BSDC1: variants seen among roughly 807,000 people sequenced by gnomAD.
BSDC1 encodes the protein BSD domain-containing protein 1.
In BSDC1, 29 loss-of-function variants were observed where a neutral mutation model predicts 56.0. That is an observed-to-expected ratio of 0.52 (90% CI 0.39 to 0.71). The LOEUF (loss-of-function observed/expected upper bound fraction) is 0.71, where lower values mean the gene tolerates loss of function less well. Ranked by LOEUF, BSDC1 falls within the 30% of genes least tolerant of loss-of-function variation. The pLI, the probability that BSDC1 is intolerant of heterozygous loss-of-function variation, is 0.00. For missense variants in BSDC1, 477 were observed against 548.5 expected, an observed-to-expected ratio of 0.87 and a Z score of 1.30; for synonymous variants, 210 against 215.3, an observed-to-expected ratio of 0.98 and a Z score of 0.21.
rs770756929 is a variant in BSDC1, at chr1:32,368,408, A to G, written c.1260+39T>C. 8 of 1,614,124 alleles carry G rather than the reference A, an allele frequency of 5.0e-6. No homozygotes were observed. In the Admixed American group the frequency reaches 1.3e-4, roughly 27 times the overall value. The stretch of plus-strand genomic sequence containing the variant: ...GGGGAGAGCTCTCACACCCAGGACC[A>G]TTAGGCTCGCTTCCCTCTGACCCAC... On this transcript the variant is annotated intron_variant, in intron 10 of 10. Coordinates refer to ENST00000455895, the MANE Select transcript of BSDC1 (RefSeq NM_018045.8).
At chr1:32,381,835 A>C (rs1297602066) in intron 4 of BSDC1, among the ~76,000 whole-genome samples, 1 of 152,212 alleles carries the variant, frequency 6.6e-6, no homozygotes, top group Non-Finnish European at 1.5e-5. Context: ...TCAAAATCTT[A>C]TCAAACATTT....
intron 10 of BSDC1, 22 bp downstream of exon 10, chr1:32,368,419 TTCCCTC>T (rs1641933454): frequency 6.2e-7 from 1 of 1,614,046 alleles, no homozygotes; most frequent in African/African-American, 1.3e-5. Context: ...TTAGGCTCGC[TTCCCTC>T]TGACCCACCA....
At chr1:32,379,117 C>G (rs1305646435) in intron 5 of BSDC1, among the ~76,000 whole-genome samples, 5 of 152,154 alleles carry the variant, frequency 3.3e-5, no homozygotes, top group African/African-American at 9.7e-5. Context: ...CAGCTGTTCT[C>G]AGGTCTCATG....
intron 9 of BSDC1, among the ~76,000 whole-genome samples, chr1:32,371,429 G>A (rs895770956): frequency 4.0e-5 from 6 of 150,332 alleles, no homozygotes; most frequent in African/African-American, 1.5e-4. Context: ...TCCTGCCTCA[G>A]CCTCCTGAGT....
intron 3 of BSDC1, among the ~76,000 whole-genome samples, chr1:32,384,331 G>T (rs1642594106): frequency 6.6e-6 from 1 of 152,190 alleles, no homozygotes; most frequent in East Asian, 1.9e-4. Flanking sequence ...AGAGCCTATG[G>T]GTAGAGTGGT....
chr1:32,374,324 G>A (rs759908116), intron 9 of BSDC1, among the ~76,000 whole-genome samples: 4 of 152,136 alleles, frequency 2.6e-5, no homozygotes, highest in Admixed American at 6.5e-5. Flanking sequence ...CAATTATCCC[G>A]TTTATGGAGG....
chr1:32,387,743 C>T (rs913328820), intron 2 of BSDC1, among the ~76,000 whole-genome samples: 8 of 152,062 alleles, frequency 5.3e-5, no homozygotes, highest in Non-Finnish European at 8.8e-5. Flanking sequence ...TATTTGCCTT[C>T]GGGTTTAAGA....
chr1:32,376,287 A>G lies in BSDC1; in HGVS notation c.1131T>C (p.Ser377=). 2 of 1,559,550 alleles carry G rather than the reference A, an allele frequency of 1.3e-6. No individual in the cohort carries two copies. The highest frequency in any genetic ancestry group is 2.3e-5 in the East Asian group (1 of 44,120). Reference sequence around the variant, plus strand: ...CTTTCTTTCCATTGTTGGAGGGTGTAGACTTCCCACTATCCGAGTTCAGCT... The same window carrying G: ...CTTTCTTTCCATTGTTGGAGGGTGTGGACTTCCCACTATCCGAGTTCAGCT... ...VFELNSDSGK[S]TPSNNGKKGS... The change falls in exon 9 of 11, where the codon TCT becomes TCC. Residue 377 remains serine (S), a synonymous_variant. Coordinates refer to ENST00000455895, the MANE Select transcript of BSDC1 (RefSeq NM_018045.8).
rs746773505 is a variant in BSDC1 at position 32,377,952 on chromosome 1, C to G, written c.676+18G>C. On this transcript the variant is annotated intron_variant, in intron 8 of 10. Transcript: ENST00000455895. ...GCACAGATGTGACACTTGCCCCTCA[C>G]CTCTCAACGCCTCTTACCTTCCTCC... 2 of 1,605,030 alleles carry G rather than the reference C, an allele frequency of 1.2e-6. No homozygotes were observed. The highest frequency in any genetic ancestry group is 2.2e-5 in the South Asian group (2 of 89,036).
In BSDC1 at chr1:32,377,927, G is replaced by A. The variant is rs572772703; in HGVS notation, c.676+43C>T. Reference sequence around the variant, plus strand: ...AGCATGGCCCAGCCCAGAGCGTCCCGCACAGATGTGACACTTGCCCCTCAC... The same window carrying A: ...AGCATGGCCCAGCCCAGAGCGTCCCACACAGATGTGACACTTGCCCCTCAC... On this transcript the variant is annotated intron_variant, in intron 8 of 10. Transcript: ENST00000455895. The A allele has an allele frequency of 3.2e-4, 498 of 1,572,964 alleles. 5 individuals are homozygous for A. The highest frequency in any genetic ancestry group is 1.8e-4 in the South Asian group (15 of 84,474).
rs1430341501 is a variant in BSDC1 at position 32,368,483 on chromosome 1, C to T, written c.1224G>A (p.Val408=). 3.1e-6 allele frequency: 5 copies of T among 1,614,048 alleles called. No individual in the cohort carries two copies. The Admixed American group carries it at 8.3e-5, about 27-fold the overall frequency. The change falls in exon 10 of 11, where the codon GTG becomes GTA. Residue 408 remains valine (V), a synonymous_variant. Coordinates refer to ENST00000455895, the MANE Select transcript of BSDC1 (RefSeq NM_018045.8). Reference sequence around the variant, plus strand: ...CATCCACTTTGGAAAGTGCCATCTGCACCTCCTCTTCAGTCATGTCCAAGT... The same window carrying T: ...CATCCACTTTGGAAAGTGCCATCTGTACCTCCTCTTCAGTCATGTCCAAGT... ...DFDLDMTEEE[V]QMALSKVDAS... is the part of the protein sequence containing the mutation.
intron 2 of BSDC1, among the ~76,000 whole-genome samples, chr1:32,393,078 A>T (rs1316385593): frequency 1.3e-5 from 2 of 152,116 alleles, no homozygotes; most frequent in Admixed American, 1.3e-4. Flanking sequence ...CAAAACAAAA[A>T]TACTCCCAGA....
intron 2 of BSDC1, among the ~76,000 whole-genome samples, chr1:32,389,946 C>T (rs1457912291): frequency 3.4e-5 from 5 of 145,152 alleles, no homozygotes; most frequent in Admixed American, 7.0e-5. Context: ...GCACTCCAGT[C>T]TGGGTAACAG....
chr1:32,366,908 G>GACACCAC, intron 10 of BSDC1: 1 of 1,227,922 alleles, frequency 8.1e-7, no homozygotes, highest in East Asian at 3.4e-5. Flanking sequence ...ACCAACACCA[G>GACACCAC]ACACCACAAG....
At chr1:32,373,832 C>T (rs1642183483) in intron 9 of BSDC1, among the ~76,000 whole-genome samples, 1 of 152,162 alleles carries the variant, frequency 6.6e-6, no homozygotes, top group African/African-American at 2.4e-5. Flanking sequence ...GGACTTTCTT[C>T]TTTTCATCAA....
chr1:32,386,860 C>G lies in BSDC1; in HGVS notation c.108G>C (p.Leu36=). The G allele has an allele frequency of 1.2e-6, 2 of 1,612,316 alleles. No individual in the cohort carries two copies. Among genetic ancestry groups the G allele is most frequent in the South Asian group, 2.2e-5 (2 of 90,996 alleles). ...SEALEFMKRD[L]TEFTQVVQHD... is the part of the protein sequence containing the mutation. ...GCTGCACCACCTGGGTAAACTCCGT[C>G]AGGTCCCGCTTCATAAACTCCAAGG... The change falls in exon 3 of 11, where the codon CTG becomes CTC. Residue 36 remains leucine (L), a synonymous_variant. Coordinates refer to ENST00000455895, the MANE Select transcript of BSDC1 (RefSeq NM_018045.8).
At chr1:32,385,102 A>C (rs1642619728) in intron 3 of BSDC1, among the ~76,000 whole-genome samples, 1 of 152,240 alleles carries the variant, frequency 6.6e-6, no homozygotes, top group Non-Finnish European at 1.5e-5. Flanking sequence ...CAAATTAAGA[A>C]GCTGCAATCT....
rs1250856679 is a variant in BSDC1, at chr1:32,365,268, G to A, written c.*1354C>T. 2.6e-5 allele frequency: 4 copies of A among 151,678 alleles called. No homozygotes were observed. Among genetic ancestry groups the A allele is most frequent in the African/African-American group, 9.7e-5 (4 of 41,176 alleles). The allele number at this position is 151,678 out of a possible 1,614,324, so 9.4% of individuals were successfully genotyped here. On this transcript the variant is annotated 3_prime_UTR_variant, in exon 11 of 11. Transcript: ENST00000455895. ...TCCCAGCTACAAAATACTCTGGGGA[G>A]ATGCATTATAATTTAAAATATATAA...
At chr1:32,393,871 A>T (rs1642951968) in intron 2 of BSDC1, 1 of 548,694 alleles carries the variant, frequency 1.8e-6, no homozygotes, top group Non-Finnish European at 3.2e-6. Flanking sequence ...CAGCCTTTAA[A>T]ACCATCTTTA....
Sources: gnomAD v4.1 joint callset for allele counts (sites outside exome capture counted in the v4.1 genomes callset) on GRCh38, gnomAD v4.1.1 for gene constraint, MANE v1.5 for transcripts, NCBI Gene and HGNC (gene_info 2026-07-23, HGNC 2026-07-21) for gene names.